Variants in DDX11 observed in about 807,000 individuals in gnomAD.
DDX11 encodes the protein DEAD/H-box helicase 11.
Under a neutral mutation model 125.2 loss-of-function variants are expected in DDX11, and 72 were observed. The observed-to-expected ratio is 0.58, with a 90% CI of 0.48 to 0.70. The LOEUF (loss-of-function observed/expected upper bound fraction) is 0.70. Among genes scored for constraint, DDX11 ranks in the 30% least tolerant of loss-of-function variants. The probability of loss-of-function intolerance (pLI) is 0.00; values close to 1 mark genes in which losing one functional copy is unlikely to be tolerated. For synonymous variants in DDX11, 347 were observed against 452.6 expected (o/e 0.77, Z 2.96); for missense variants, 883 against 1,165.0 (o/e 0.76, Z 3.52).
chr12:31,087,979 CTAAGG>C lies in DDX11; in HGVS notation c.684_684+4del. On this transcript the variant is annotated splice_donor_variant and coding_sequence_variant, in exon 6 of 27. Transcript: ENST00000542838. LOFTEE classifies it high-confidence loss of function. ...GATGACCTGGAGGAAGAACACATAA[CTAAGG>C]TAACACAAGTGTCCTCAGCTGGTGC... The C allele has an allele frequency of 6.2e-7, 1 of 1,607,916 alleles. No homozygotes were observed. The highest frequency in any genetic ancestry group is 8.5e-7 in the Non-Finnish European group (1 of 1,177,558).
At chr12:31,097,831 C>G in intron 17 of DDX11, 54 bp from the exon 18 acceptor site, 4 of 1,066,024 alleles carry the variant, frequency 3.8e-6, no homozygotes, top group Non-Finnish European at 4.3e-6. Context: ...TTTGCTGGGA[C>G]GACAGAAGTG....
rs371945214 is a variant in DDX11 at position 31,101,102 on chromosome 12, C to T, written c.2024C>T (p.Thr675Met). The T allele has an allele frequency of 1.1e-5, 18 of 1,614,168 alleles. No homozygotes were observed. Among genetic ancestry groups the T allele is most frequent in the Non-Finnish European group, 1.5e-5 (18 of 1,180,006 alleles). The change falls in exon 20 of 27, where the codon ACG becomes ATG. Residue 675 changes from threonine (T) to methionine (M), a missense_variant. Around this residue, in one of 5 missense-constraint regions of DDX11, gnomAD observed 285 missense variants for 346.0 expected, o/e 0.82. Transcript: ENST00000542838. ...SGISNQPLEF[T>M]FQKRELPQMM... ...ATCTCCAACCAGCCGCTGGAATTCA[C>T]GTTCCAGAAAAGAGAGCTGCCTCAG...
chr12:31,084,471 G>A, intron 3 of DDX11, 112 bp from the exon 4 acceptor site: 1 of 964,118 alleles, frequency 1.0e-6, no homozygotes. Context: ...GCTGGCCGGG[G>A]AAGGAGAGAT....
chr12:31,076,626 G>C (rs960944369), intron 1 of DDX11, among the ~76,000 whole-genome samples: 9 of 152,162 alleles, frequency 5.9e-5, no homozygotes, highest in Admixed American at 5.2e-4. Context: ...TCCTTATAGT[G>C]TTGTACAGAT....
Position 31,103,736 on chromosome 12 carries a change from G to C in DDX11, c.2691+5G>C. 1.2e-6 allele frequency: 2 copies of C among 1,613,708 alleles called. No homozygotes were observed. The highest frequency in any genetic ancestry group is 2.2e-5 in the East Asian group (1 of 44,884). ...GCCATTGCTGCTGTGCAGAAGGTCA[G>C]TCCTACCTTTTTCTTTCTGAGAGCC... On this transcript the variant is annotated splice_donor_5th_base_variant and intron_variant, in intron 26 of 26. Coordinates refer to ENST00000542838, the MANE Select transcript of DDX11 (RefSeq NM_030653.4).
At chr12:31,103,555 C>G (rs1410758930) in intron 25 of DDX11, 22 bp from the exon 26 acceptor site, 4 of 1,613,588 alleles carry the variant, frequency 2.5e-6, no homozygotes, top group Non-Finnish European at 3.4e-6. Flanking sequence ...TGCTCGGAGC[C>G]CCAGCCTCTG....
chr12:31,103,426 A>G (rs776763525), intron 25 of DDX11, 31 bp downstream of exon 25: 4 of 1,603,186 alleles, frequency 2.5e-6, no homozygotes, highest in Non-Finnish European at 2.6e-6. Flanking sequence ...CTGGGTGGAC[A>G]GATGGGGGCT....
intron 2 of DDX11, among the ~76,000 whole-genome samples, chr12:31,081,348 C>T (rs559024976): frequency 2.9e-4 from 44 of 152,324 alleles, no homozygotes; most frequent in African/African-American, 9.4e-4. Context: ...GTTTGTGTTA[C>T]CTGTTGTGCC....
chr12:31,085,005 C>T lies in DDX11; in HGVS notation c.517C>T (p.Leu173Phe). Residue 173 changes from leucine to phenylalanine, a missense_variant, in exon 5 of 27, where the codon CTC (leucine) becomes TTC (phenylalanine). This residue lies in a region of DDX11 where 283 missense variants were observed against 359.6 expected (regional missense o/e 0.79). Coordinates refer to ENST00000542838, the MANE Select transcript of DDX11 (RefSeq NM_030653.4). ...AGAAGAAAGAGAGAATCTCCTCCGC[C>T]TCAGCAGGGAGATGCTAGAGACAGG... ...EEEERENLLR[L>F]SREMLETGPE... 6.2e-7 allele frequency: 1 copy of T among 1,611,128 alleles called. No homozygotes were observed. Among genetic ancestry groups the T allele is most frequent in the East Asian group, 2.2e-5 (1 of 44,808 alleles).
chr12:31,102,413 G>C lies in DDX11; in HGVS notation c.2272-14G>C. ...TTTTGGCTCAGCAACTCAGCGTCTGGGTTTCTCCTACAGGCCTGTGGCCAG... is the reference window on the plus strand; with the variant it reads ...TTTTGGCTCAGCAACTCAGCGTCTGCGTTTCTCCTACAGGCCTGTGGCCAG... On this transcript the variant is annotated splice_polypyrimidine_tract_variant and intron_variant, in intron 22 of 26. Coordinates refer to ENST00000542838, the MANE Select transcript of DDX11 (RefSeq NM_030653.4). 6.2e-7 allele frequency: 1 copy of C among 1,612,876 alleles called. No homozygotes were observed. The highest frequency in any genetic ancestry group is 8.5e-7 in the Non-Finnish European group (1 of 1,178,848).
chr12:31,091,759 C>G lies in DDX11; in HGVS notation c.1130C>G (p.Thr377Ser), dbSNP rs754864339. Residue 377 changes from threonine to serine, a missense_variant, in exon 10 of 27, where the codon ACT becomes AGT. Around this residue, in one of 5 missense-constraint regions of DDX11, gnomAD observed 72 missense variants for 159.7 expected, o/e 0.45. Coordinates refer to ENST00000542838, the MANE Select transcript of DDX11 (RefSeq NM_030653.4). ...LPYQMLLHAA[T>S]RQAAGIRLQD... The stretch of plus-strand genomic sequence containing the variant: ...TATCAGATGCTGCTGCATGCGGCCA[C>G]TCGGCAGGCCGCGGGCATCCGGCTG... 1.4e-5 allele frequency: 23 copies of G among 1,613,580 alleles called. No individual in the cohort carries two copies. Among genetic ancestry groups the G allele is most frequent in the Non-Finnish European group, 1.6e-5 (19 of 1,179,850 alleles).
Position 31,096,955 on chromosome 12 carries a change from C to T in DDX11, c.1727C>T (p.Ala576Val). Residue 576 changes from alanine to valine, a missense_variant, in exon 17 of 27, where the codon GCC becomes GTC. By Grantham distance (64) the Ala-to-Val change is moderately conservative. Around this residue, in one of 5 missense-constraint regions of DDX11, gnomAD observed 241 missense variants for 279.7 expected, o/e 0.86. Coordinates refer to ENST00000542838, the MANE Select transcript of DDX11 (RefSeq NM_030653.4). Reference sequence around the variant, plus strand: ...GGCTTCCTGGCAGCTCTCACTACGGCCAACCAGGACGGCAGGGTCATCCTG... The same window carrying T: ...GGCTTCCTGGCAGCTCTCACTACGGTCAACCAGGACGGCAGGGTCATCCTG... The part of the protein sequence containing the change: ...IQGFLAALTT[A>V]NQDGRVILSR... The T allele has an allele frequency of 6.2e-7, 1 of 1,613,998 alleles. No individual in the cohort carries two copies. Among genetic ancestry groups the T allele is most frequent in the Non-Finnish European group, 8.5e-7 (1 of 1,179,986 alleles).
In DDX11 at chr12:31,084,054, G is replaced by T; in HGVS notation, c.386G>T (p.Arg129Leu). Reference sequence around the variant, plus strand: ...AAAGAAGAGAGGGACCTGGTGGACCGACTAAAGGTGAGACCTGGGGTATCC... The same window carrying T: ...AAAGAAGAGAGGGACCTGGTGGACCTACTAAAGGTGAGACCTGGGGTATCC... The part of the protein sequence containing the change: ...QKKEERDLVD[R>L]LKAEQARRKQ... Residue 129 changes from arginine to leucine, a missense_variant, in exon 3 of 27, where the codon CGA becomes CTA. Arg to Leu is a moderately radical substitution (Grantham distance 102). Around this residue, in one of 5 missense-constraint regions of DDX11, gnomAD observed 283 missense variants for 359.6 expected, o/e 0.79. Coordinates refer to ENST00000542838, the MANE Select transcript of DDX11 (RefSeq NM_030653.4). The T allele has an allele frequency of 1.2e-6, 2 of 1,613,812 alleles. No homozygotes were observed. Among genetic ancestry groups the T allele is most frequent in the South Asian group, 1.1e-5 (1 of 90,960 alleles).
chr12:31,094,085 C>T (rs1195204176), intron 12 of DDX11, among the ~76,000 whole-genome samples: 1 of 152,272 alleles, frequency 6.6e-6, no homozygotes, highest in East Asian at 1.9e-4. Flanking sequence ...TCTTCTGACT[C>T]CAGCTCCCAC....
chr12:31,093,163 G>T, intron 11 of DDX11, 82 bp from the exon 12 acceptor site: 2 of 1,428,116 alleles, frequency 1.4e-6, no homozygotes, highest in South Asian at 2.5e-5. Context: ...GAGAGGCACC[G>T]GGCAGCAAGG....
chr12:31,096,994 A>T lies in DDX11; in HGVS notation c.1762+4A>T, dbSNP rs1196445283. 6.2e-7 allele frequency: 1 copy of T among 1,613,382 alleles called. No individual in the cohort carries two copies. Among genetic ancestry groups the T allele is most frequent in the African/African-American group, 1.3e-5 (1 of 74,898 alleles). ...AGGGTCATCCTGAGCCGCCAAGGTA[A>T]TCAGGTGGTTCTTGGCCAGGTTCAG... On this transcript the variant is annotated splice_donor_region_variant and intron_variant, in intron 17 of 26. Coordinates refer to ENST00000542838, the MANE Select transcript of DDX11 (RefSeq NM_030653.4).
intron 1 of DDX11, among the ~76,000 whole-genome samples, chr12:31,075,930 G>GT (rs1453861581): frequency 1.3e-5 from 2 of 152,106 alleles, no homozygotes; most frequent in African/African-American, 2.4e-5. Context: ...AGTGGGGGTG[G>GT]TGTTTGACCA....
intron 8 of DDX11, 132 bp downstream of exon 8, chr12:31,089,622 C>T: frequency 9.3e-7 from 1 of 1,080,142 alleles, no homozygotes. Context: ...TCCTGAGTCC[C>T]CTCTCCTTGG....
intron 5 of DDX11, chr12:31,087,702 G>T: frequency 3.1e-6 from 2 of 653,664 alleles, no homozygotes; most frequent in Non-Finnish European, 2.7e-6. Flanking sequence ...ACTTGGGTTG[G>T]GGGTGCTGAG....
Sources: gnomAD v4.1 joint callset for allele counts (sites outside exome capture counted in the v4.1 genomes callset) on GRCh38, gnomAD v4.1.1 for gene constraint, gnomAD v4.1.1 regional missense constraint, MANE v1.5 for transcripts, NCBI Gene and HGNC (gene_info 2026-07-23, HGNC 2026-07-21) for gene names.